The following SCLT1 variants were observed in gnomAD, a reference collection of about 807,000 sequenced individuals.
The protein encoded by SCLT1 is sodium channel and clathrin linker 1, also known as sodium channel-associated protein 1.
Under a neutral mutation model 112.8 loss-of-function variants are expected in SCLT1, and 78 were observed. The ratio of observed to expected loss-of-function variants is 0.69; its 90% confidence interval spans 0.58 to 0.83. The LOEUF (loss-of-function observed/expected upper bound fraction) is 0.83. Ranked by LOEUF, SCLT1 falls within the 40% of genes least tolerant of loss-of-function variation. The pLI is 0.00. For synonymous variants in SCLT1, 257 were observed against 254.7 expected (o/e 1.01, Z -0.09); for missense variants, 747 against 770.4 (o/e 0.97, Z 0.36).
At chr4:129,062,674 G>A (rs1316553634) in intron 2 of SCLT1, among the ~76,000 whole-genome samples, 1 of 151,846 alleles carries the variant, frequency 6.6e-6, no homozygotes, top group Non-Finnish European at 1.5e-5. Flanking sequence ...AGCATTCTTG[G>A]TTGACTTTTT....
intron 2 of SCLT1, among the ~76,000 whole-genome samples, chr4:129,064,364 G>A (rs961555880): frequency 8.6e-5 from 13 of 151,948 alleles, no homozygotes; most frequent in Non-Finnish European, 1.9e-4. Flanking sequence ...TTCCTTTTAT[G>A]GACCATGCTT....
chr4:129,051,059 C>T (rs1042389562), intron 2 of SCLT1, among the ~76,000 whole-genome samples: 1 of 151,892 alleles, frequency 6.6e-6, no homozygotes, highest in Non-Finnish European at 1.5e-5. Context: ...ATTTCTGAGG[C>T]CTCTGTTCTG....
chr4:128,911,963 A>G (rs1182930330), intron 18 of SCLT1, among the ~76,000 whole-genome samples: 1 of 152,232 alleles, frequency 6.6e-6, no homozygotes, highest in Admixed American at 6.5e-5. Flanking sequence ...TAAAAGGCAT[A>G]TTTTCAGGGG....
intron 18 of SCLT1, among the ~76,000 whole-genome samples, chr4:128,913,849 T>A (rs1735277427): frequency 6.6e-6 from 1 of 152,142 alleles, no homozygotes; most frequent in Non-Finnish European, 1.5e-5. Context: ...TCTCCCCTAT[T>A]AGAATGAAAG....
At chr4:129,091,935 T>C (rs1211080070) in intron 1 of SCLT1, among the ~76,000 whole-genome samples, 1 of 152,152 alleles carries the variant, frequency 6.6e-6, no homozygotes, top group Non-Finnish European at 1.5e-5. Context: ...CTTACTACCT[T>C]TTTCCTAACT....
intron 5 of SCLT1, among the ~76,000 whole-genome samples, chr4:129,038,568 T>C (rs1747396038): frequency 6.6e-6 from 1 of 152,132 alleles, no homozygotes; most frequent in East Asian, 1.9e-4. Context: ...ATAGTGTTTA[T>C]CTCTGGCAGA....
intron 18 of SCLT1, among the ~76,000 whole-genome samples, chr4:128,894,297 C>T (rs1314960208): frequency 6.0e-5 from 9 of 150,920 alleles, no homozygotes; most frequent in Non-Finnish European, 1.0e-4. Context: ...TTCCAAAGTC[C>T]GTGCTCTTAA....
chr4:128,997,764 A>C, intron 8 of SCLT1, 110 bp downstream of exon 8: 1 of 525,008 alleles, frequency 1.9e-6, no homozygotes, highest in South Asian at 3.4e-5. Flanking sequence ...AAAAGAAAAA[A>C]CAGTATTATC....
chr4:129,082,231 T>A (rs1331628130), intron 2 of SCLT1, 75 bp downstream of exon 2: 1 of 604,052 alleles, frequency 1.7e-6, no homozygotes, highest in Non-Finnish European at 2.8e-6. Context: ...GAATCAAAGT[T>A]GTAAGCCAAG....
chr4:129,061,530 A>G (rs1480049824), intron 2 of SCLT1, among the ~76,000 whole-genome samples: 1 of 152,162 alleles, frequency 6.6e-6, no homozygotes, highest in Admixed American at 6.5e-5. Context: ...TGAGTGGTCT[A>G]AACACCATTT....
chr4:129,058,405 CTG>C (rs953050631), intron 2 of SCLT1, among the ~76,000 whole-genome samples: 5 of 151,936 alleles, frequency 3.3e-5, no homozygotes, highest in Non-Finnish European at 7.4e-5. Context: ...TTTTGGTATA[CTG>C]TGTTTCCATT....
At chr4:128,898,666 C>A (rs192872954) in intron 18 of SCLT1, among the ~76,000 whole-genome samples, 1 of 152,152 alleles carries the variant, frequency 6.6e-6, no homozygotes, top group African/African-American at 2.4e-5. Flanking sequence ...CAAGAAATAA[C>A]TAAGATCAGA....
intron 18 of SCLT1, among the ~76,000 whole-genome samples, chr4:128,917,912 G>A (rs1017515380): frequency 2.0e-5 from 3 of 152,048 alleles, no homozygotes; most frequent in African/African-American, 7.2e-5. Flanking sequence ...TCACTTCAAG[G>A]TTAAAGTGAA....
intron 18 of SCLT1, among the ~76,000 whole-genome samples, chr4:128,906,458 A>G (rs993138715): frequency 6.6e-6 from 1 of 152,164 alleles, no homozygotes; most frequent in Non-Finnish European, 1.5e-5. Flanking sequence ...TCGGCCTCCC[A>G]AAGTGCTGGG....
At chr4:128,988,766 G>A (rs1490213039) in intron 9 of SCLT1, among the ~76,000 whole-genome samples, 1 of 151,908 alleles carries the variant, frequency 6.6e-6, no homozygotes, top group East Asian at 1.9e-4. Flanking sequence ...CCCAAAGACT[G>A]AAAATACAGG....
At chr4:128,934,548 G>C (rs1737029575) in intron 18 of SCLT1, among the ~76,000 whole-genome samples, 1 of 151,692 alleles carries the variant, frequency 6.6e-6, no homozygotes, top group Non-Finnish European at 1.5e-5. Context: ...ATTATATATA[G>C]TTTTCAAACA....
intron 9 of SCLT1, among the ~76,000 whole-genome samples, chr4:128,986,343 C>G (rs1053899524): frequency 1.3e-5 from 2 of 152,144 alleles, no homozygotes; most frequent in Non-Finnish European, 2.9e-5. Context: ...GTCTTTGCTG[C>G]CTTCACCACC....
chr4:129,026,904 C>G (rs549643003), intron 5 of SCLT1, among the ~76,000 whole-genome samples: 1 of 152,144 alleles, frequency 6.6e-6, no homozygotes, highest in East Asian at 1.9e-4. Context: ...AAACTACCAT[C>G]AGAGAATACT....
At chr4:128,947,074 T>C (rs771590682) in intron 15 of SCLT1, among the ~76,000 whole-genome samples, 4 of 152,184 alleles carry the variant, frequency 2.6e-5, no homozygotes, top group Non-Finnish European at 1.5e-5. Flanking sequence ...TATAAAAACA[T>C]GGAGTATCAG....
Sources: gnomAD v4.1 joint callset for allele counts (sites outside exome capture counted in the v4.1 genomes callset) on GRCh38, gnomAD v4.1.1 for gene constraint, MANE v1.5 for transcripts, NCBI Gene and HGNC (gene_info 2026-07-23, HGNC 2026-07-21) for gene names.